CDYL: variants seen among roughly 807,000 people sequenced by gnomAD.
CDYL encodes the protein chromodomain Y-like protein.
In CDYL, 8 loss-of-function variants were observed where a neutral mutation model predicts 47.3. The ratio of observed to expected loss-of-function variants is 0.17; its 90% confidence interval spans 0.10 to 0.31. The LOEUF is 0.31. CDYL is among the 10% of genes least tolerant of loss of function. The pLI, the probability that CDYL is intolerant of heterozygous loss-of-function variation, is 1.00. For missense variants in CDYL, 471 were observed against 701.4 expected, an observed-to-expected ratio of 0.67 and a Z score of 3.71; for synonymous variants, 266 against 265.0, an observed-to-expected ratio of 1.00 and a Z score of -0.04.
At chr6:4,933,612 CG>C (rs1272283861) in intron 2 of CDYL, among the ~76,000 whole-genome samples, 1 of 152,154 alleles carries the variant, frequency 6.6e-6, no homozygotes, top group East Asian at 1.9e-4. Flanking sequence ...GATTGTCAAA[CG>C]TTTTTAAACA....
At chr6:4,877,677 T>C (rs892569008) in intron 1 of CDYL, among the ~76,000 whole-genome samples, 7 of 152,250 alleles carry the variant, frequency 4.6e-5, no homozygotes, top group African/African-American at 1.7e-4. Flanking sequence ...CTTGTTTCAT[T>C]GATGTCTTTG....
upstream of CDYL, among the ~76,000 whole-genome samples, chr6:4,774,129 G>A (rs1260022417): frequency 6.6e-6 from 1 of 152,156 alleles, no homozygotes; most frequent in Non-Finnish European, 1.5e-5. Flanking sequence ...TCTGAAGGGG[G>A]CAATAATTGG....
rs897667640 is a variant in CDYL, at chr6:4,729,735, G to C, written c.104-5027G>C. On this transcript the variant is annotated intron_variant, in intron 2 of 8. Coordinates refer to the CDYL transcript ENST00000328908. ...GAGTTTGAGACCTGCCTGGGCAACA[G>C]GGTGAAATCCTGTCTCTACAAAAAA... Among the ~76,000 whole-genome samples the C allele has an allele frequency of 7.2e-5, 11 of 152,258 alleles. No homozygotes were observed. In the South Asian group the frequency reaches 2.3e-3, roughly 32 times the overall value.
intron 1 of CDYL, among the ~76,000 whole-genome samples, chr6:4,871,543 A>T (rs900088450): frequency 6.6e-6 from 1 of 152,172 alleles, no homozygotes; most frequent in African/African-American, 2.4e-5. Context: ...TCTAGGATCC[A>T]TCTGGTTAGG....
chr6:4,947,251 A>T (rs1395150367), intron 5 of CDYL, among the ~76,000 whole-genome samples: 2 of 152,164 alleles, frequency 1.3e-5, no homozygotes, highest in Non-Finnish European at 2.9e-5. Context: ...AGGGGGGCTT[A>T]CGTGTTCTGA....
At chr6:4,945,194 T>C (rs1243164673) in intron 5 of CDYL, among the ~76,000 whole-genome samples, 1 of 152,178 alleles carries the variant, frequency 6.6e-6, no homozygotes, top group Non-Finnish European at 1.5e-5. Flanking sequence ...GTTGAGTGAC[T>C]AGCACATTGT....
At position 4,889,902 on chromosome 6, in the gene CDYL, A is replaced by G. The variant is rs1318486424; in HGVS notation, c.25-1811A>G. ...TACTGTTGCTCTTCCTCTTTGCTCAATTTCCTGAGGAGGGAGGGACAGGAT... is the reference window on the plus strand; with the variant it reads ...TACTGTTGCTCTTCCTCTTTGCTCAGTTTCCTGAGGAGGGAGGGACAGGAT... On this transcript the variant is annotated intron_variant, in intron 1 of 6. Coordinates refer to ENST00000397588, the MANE Select transcript of CDYL (RefSeq NM_004824.4). 7 of 943,628 alleles carry G rather than the reference A, an allele frequency of 7.4e-6. No homozygotes were observed. The African/African-American group carries it at 8.9e-5, about 12-fold the overall frequency. The allele number at this position is 943,628 out of a possible 1,614,324, so 58.5% of individuals were successfully genotyped here.
chr6:4,762,479 T>C (rs1222052428), intron 3 of CDYL, among the ~76,000 whole-genome samples: 1 of 151,356 alleles, frequency 6.6e-6, no homozygotes, highest in Non-Finnish European at 1.5e-5. Context: ...GAAACAGACC[T>C]ACAGAGGCTA....
chr6:4,744,810 C>G (rs1757860293), intron 3 of CDYL, among the ~76,000 whole-genome samples: 1 of 152,110 alleles, frequency 6.6e-6, no homozygotes, highest in African/African-American at 2.4e-5. Flanking sequence ...AATCTCTTAA[C>G]CTCTATGGTA....
intron 1 of CDYL, among the ~76,000 whole-genome samples, chr6:4,837,620 A>C (rs1760360322): frequency 6.6e-6 from 1 of 151,852 alleles, no homozygotes; most frequent in Non-Finnish European, 1.5e-5. Context: ...GAGTGTTACC[A>C]TGCCTGGCTA....
chr6:4,900,670 G>A (rs896728249), intron 2 of CDYL, among the ~76,000 whole-genome samples: 1 of 150,734 alleles, frequency 6.6e-6, no homozygotes, highest in Non-Finnish European at 1.5e-5. Context: ...TTCAGTGTCT[G>A]GCAGATGAGA....
chr6:4,791,058 G>A (rs1238437813), intron 1 of CDYL, among the ~76,000 whole-genome samples: 3 of 152,194 alleles, frequency 2.0e-5, no homozygotes, highest in Non-Finnish European at 4.4e-5. Flanking sequence ...GTTTCTTAGA[G>A]AAACAGAACG....
intron 2 of CDYL, among the ~76,000 whole-genome samples, chr6:4,895,972 G>T (rs2127489856): frequency 6.6e-6 from 1 of 152,276 alleles, no homozygotes; most frequent in South Asian, 2.1e-4. Context: ...GTTGGGTTGG[G>T]AATGACAGTA....
chr6:4,942,595 C>T (rs1758392504), intron 4 of CDYL, among the ~76,000 whole-genome samples: 1 of 152,148 alleles, frequency 6.6e-6, no homozygotes, highest in African/African-American at 2.4e-5. Flanking sequence ...TTCTTTTCTC[C>T]ACTGTGTGAA....
At chr6:4,933,924 G>A (rs746333495) in intron 2 of CDYL, among the ~76,000 whole-genome samples, 5 of 152,206 alleles carry the variant, frequency 3.3e-5, no homozygotes, top group African/African-American at 9.7e-5. Context: ...CCTACCTTGG[G>A]CCTCGCCTGC....
At chr6:4,845,080 A>G (rs1760616039) in intron 1 of CDYL, among the ~76,000 whole-genome samples, 1 of 152,236 alleles carries the variant, frequency 6.6e-6, no homozygotes, top group African/African-American at 2.4e-5. Context: ...AAATTATTGT[A>G]CATTGCTCTA....
chr6:4,902,460 G>A (rs998563159), intron 2 of CDYL, among the ~76,000 whole-genome samples: 2 of 151,258 alleles, frequency 1.3e-5, no homozygotes, highest in African/African-American at 2.4e-5. Context: ...ATCATACTTT[G>A]AATTAATGTC....
intron 1 of CDYL, among the ~76,000 whole-genome samples, chr6:4,808,919 G>T (rs1414074878): frequency 6.6e-6 from 1 of 152,148 alleles, no homozygotes; most frequent in African/African-American, 2.4e-5. Context: ...CACACATCCT[G>T]GTTGATTGTC....
chr6:4,925,236 A>G (rs950208406), intron 2 of CDYL, among the ~76,000 whole-genome samples: 66 of 152,066 alleles, frequency 4.3e-4, no homozygotes, highest in African/African-American at 1.5e-3. Context: ...ATCGTTCCTA[A>G]TGTGTCACTT....
Sources: gnomAD v4.1 joint callset for allele counts (sites outside exome capture counted in the v4.1 genomes callset) on GRCh38, gnomAD v4.1.1 for gene constraint, MANE v1.5 for transcripts, NCBI Gene and HGNC (gene_info 2026-07-23, HGNC 2026-07-21) for gene names.